ALPK2: variants seen among roughly 807,000 people sequenced by gnomAD.
ALPK2 encodes the protein alpha-protein kinase 2.
ALPK2 carries 127 observed loss-of-function variants against 163.1 expected under a neutral mutation model. That is an observed-to-expected ratio of 0.78 (90% CI 0.67 to 0.90). The LOEUF (loss-of-function observed/expected upper bound fraction) is 0.90, where lower values mean the gene tolerates loss of function less well. ALPK2 is among the 40% of genes least tolerant of loss of function. ALPK2 has a pLI of 0.00. For missense variants in ALPK2, 2,360 were observed against 2,589.6 expected (o/e 0.91, Z 1.92); for synonymous variants, 953 against 959.1 (o/e 0.99, Z 0.12).
At chr18:58,624,324 A>G (rs2052217535) in intron 1 of ALPK2, among the ~76,000 whole-genome samples, 1 of 152,220 alleles carries the variant, frequency 6.6e-6, no homozygotes, top group Admixed American at 6.5e-5. Context: ...TAAAACCAAA[A>G]CAGAGATGAG....
At chr18:58,533,783 A>G (rs933116863) in intron 5 of ALPK2, among the ~76,000 whole-genome samples, 1 of 152,200 alleles carries the variant, frequency 6.6e-6, no homozygotes, top group Non-Finnish European at 1.5e-5. Context: ...TTTAAAATAT[A>G]GATACTAATA....
Position 58,536,417 on chromosome 18 carries a change from G to A in ALPK2, c.3770C>T (p.Ser1257Phe). ...ACCACCGTCTGATGCCTTGCTCTCA[G>A]AATTTGTCAGTTGTCGTGGTGGCCA... ...EIWPPRQLTN[S>F]ESKASDGGLI... Residue 1257 changes from serine (S) to phenylalanine (F), a missense_variant, in exon 5 of 13, where the codon TCT becomes TTT. Ser to Phe is a radical substitution (Grantham distance 155). Coordinates refer to ENST00000361673, the MANE Select transcript of ALPK2 (RefSeq NM_052947.4). The A allele has an allele frequency of 1.9e-6, 3 of 1,614,208 alleles. No individual in the cohort carries two copies. The highest frequency in any genetic ancestry group is 1.3e-5 in the African/African-American group (1 of 75,076).
At chr18:58,523,896 G>T (rs1000928648) in intron 7 of ALPK2, 39 bp downstream of exon 7, 7 of 1,614,044 alleles carry the variant, frequency 4.3e-6, no homozygotes, top group Non-Finnish European at 5.9e-6. Flanking sequence ...TTGTGAACGG[G>T]CAGGGGCCAG....
At chr18:58,502,829 G>A (rs927916288) in intron 11 of ALPK2, among the ~76,000 whole-genome samples, 8 of 152,240 alleles carry the variant, frequency 5.3e-5, no homozygotes, top group African/African-American at 1.9e-4. Flanking sequence ...CATGTGGGCA[G>A]GTGACAAGTG....
chr18:58,503,690 C>A (rs1158595210), intron 11 of ALPK2, among the ~76,000 whole-genome samples: 1 of 152,120 alleles, frequency 6.6e-6, no homozygotes, highest in East Asian at 1.9e-4. Flanking sequence ...CAGAGTGAGA[C>A]CCTGTCCCCC....
rs940634045 is a variant in ALPK2, at chr18:58,481,822, G to A, written c.*1C>T. The A allele has an allele frequency of 1.5e-5, 24 of 1,612,912 alleles. No homozygotes were observed. The highest frequency in any genetic ancestry group is 1.6e-4 in the Middle Eastern group (1 of 6,076). Reference sequence around the variant, plus strand: ...AGTGGCCATTAGGTTACCCAGGGACGTTAGGTTTTCTTTTCGCCTGGGGTC... The same window carrying A: ...AGTGGCCATTAGGTTACCCAGGGACATTAGGTTTTCTTTTCGCCTGGGGTC... On this transcript the variant is annotated 3_prime_UTR_variant, in exon 13 of 13. Transcript: ENST00000361673.
At position 58,535,103 on chromosome 18, in the gene ALPK2, G is replaced by A. The variant is rs376560005; in HGVS notation, c.5084C>T (p.Ala1695Val). 520 of 1,614,110 alleles carry A rather than the reference G, an allele frequency of 3.2e-4. 1 individual carries two copies. In the South Asian group the frequency reaches 5.2e-3, roughly 16 times the overall value. ...REREKSLEARAGKSPGTLTAV... is the reference protein window; with the variant it reads ...REREKSLEARVGKSPGTLTAV... ...TGTGAGGGTCCCTGGCGATTTGCCTGCTCGGGCTTCCAGGGACTTCTCTCT... is the reference window on the plus strand; with the variant it reads ...TGTGAGGGTCCCTGGCGATTTGCCTACTCGGGCTTCCAGGGACTTCTCTCT... The change falls in exon 5 of 13, where the codon GCA becomes GTA. Residue 1695 changes from alanine to valine, a missense_variant. Coordinates refer to ENST00000361673, the MANE Select transcript of ALPK2 (RefSeq NM_052947.4).
intron 3 of ALPK2, among the ~76,000 whole-genome samples, chr18:58,586,590 G>A (rs2051987769): frequency 6.6e-6 from 1 of 152,210 alleles, no homozygotes; most frequent in South Asian, 2.1e-4. Flanking sequence ...CAGCTGGAGG[G>A]GGCAGGACCC....
chr18:58,571,180 C>A (rs774684419), intron 4 of ALPK2, among the ~76,000 whole-genome samples: 3 of 152,040 alleles, frequency 2.0e-5, no homozygotes, highest in Non-Finnish European at 4.4e-5. Context: ...CGCCACCATG[C>A]CTGGCTAATT....
chr18:58,610,614 C>T lies in ALPK2; in HGVS notation c.109+1075G>A, dbSNP rs1488609855. Among the ~76,000 whole-genome samples, 6 of 152,262 alleles carry T rather than the reference C, an allele frequency of 3.9e-5. No individual in the cohort carries two copies. The East Asian group carries it at 7.7e-4, about 20-fold the overall frequency. ...TTCTTATTAGCATCCCTGAAGAAGGCGTGCAGAGGAGAGACTAATTTAGCC... is the reference window on the plus strand; with the variant it reads ...TTCTTATTAGCATCCCTGAAGAAGGTGTGCAGAGGAGAGACTAATTTAGCC... On this transcript the variant is annotated intron_variant, in intron 2 of 12. Coordinates refer to ENST00000361673, the MANE Select transcript of ALPK2 (RefSeq NM_052947.4).
chr18:58,502,802 A>G (rs2144111793), intron 11 of ALPK2, among the ~76,000 whole-genome samples: 1 of 152,320 alleles, frequency 6.6e-6, no homozygotes, highest in African/African-American at 2.4e-5. Context: ...CATGTTTTTT[A>G]TCCGGCTTAG....
At chr18:58,538,249 G>A (rs9962203) in intron 4 of ALPK2, 25 bp from the exon 5 acceptor site, 826,666 of 1,588,308 alleles carry the variant, frequency 0.52, 219,936 homozygotes, top group Non-Finnish European at 0.55. Context: ...AGTGATATTA[G>A]TAGAATTGTT....
intron 8 of ALPK2, among the ~76,000 whole-genome samples, chr18:58,520,335 A>T (rs978338553): frequency 2.0e-5 from 3 of 150,392 alleles, no homozygotes; most frequent in Non-Finnish European, 3.0e-5. Context: ...AGACTGAGGC[A>T]GGACAACTGC....
At chr18:58,506,503 G>A (rs1277377765) in intron 10 of ALPK2, among the ~76,000 whole-genome samples, 1 of 152,134 alleles carries the variant, frequency 6.6e-6, no homozygotes, top group Non-Finnish European at 1.5e-5. Context: ...GTGACTGGCA[G>A]CTTGTGAAAA....
chr18:58,600,193 T>C (rs1009468426), intron 3 of ALPK2, among the ~76,000 whole-genome samples: 2 of 151,930 alleles, frequency 1.3e-5, no homozygotes, highest in South Asian at 2.1e-4. Flanking sequence ...CACGCCACCA[T>C]GCTTAGCTAA....
intron 3 of ALPK2, among the ~76,000 whole-genome samples, chr18:58,605,110 TG>T (rs148923265): frequency 0.019 from 2,817 of 152,248 alleles, 77 homozygotes; most frequent in African/African-American, 0.062. Flanking sequence ...TAAGCAAGGG[TG>T]GGAAACATAC....
chr18:58,521,627 C>CTCTTTTTTTTT (rs59358600), intron 8 of ALPK2, among the ~76,000 whole-genome samples: 4 of 55,384 alleles, frequency 7.2e-5, no homozygotes, highest in South Asian at 7.9e-4. Flanking sequence ...TTCTCTCTCT[C>CTCTTTTTTTTT]TTTTTTTTTT....
At chr18:58,627,168 C>T (rs1392193243) in intron 1 of ALPK2, among the ~76,000 whole-genome samples, 2 of 152,138 alleles carry the variant, frequency 1.3e-5, no homozygotes, top group East Asian at 1.9e-4. Flanking sequence ...TCAACTGCAT[C>T]GCATCACAGG....
At chr18:58,594,898 C>G (rs2052033511) in intron 3 of ALPK2, among the ~76,000 whole-genome samples, 1 of 152,194 alleles carries the variant, frequency 6.6e-6, no homozygotes, top group African/African-American at 2.4e-5. Context: ...CTTGCAGTCC[C>G]CATCTGTGCC....
Sources: gnomAD v4.1 joint callset for allele counts (sites outside exome capture counted in the v4.1 genomes callset) on GRCh38, gnomAD v4.1.1 for gene constraint, MANE v1.5 for transcripts, NCBI Gene and HGNC (gene_info 2026-07-23, HGNC 2026-07-21) for gene names.